CSMD1: variants seen among roughly 807,000 people sequenced by gnomAD.
CSMD1 encodes the protein CUB and Sushi multiple domains 1, also known as CUB and sushi domain-containing protein 1.
In CSMD1, 213 loss-of-function variants were observed where a neutral mutation model predicts 417.5. The ratio of observed to expected loss-of-function variants is 0.51; its 90% CI spans 0.46 to 0.57. CSMD1 has a LOEUF of 0.57. CSMD1 is among the 20% of genes least tolerant of loss of function. The pLI is 0.00. For missense variants in CSMD1, 6,923 were observed against 4,529.7 expected, an observed-to-expected ratio of 1.53 and a Z score of -15.17; for synonymous variants, 2,862 against 1,736.8, an observed-to-expected ratio of 1.65 and a Z score of -16.11.
chr8:4,340,274 C>G (rs962866363), intron 3 of CSMD1, among the ~76,000 whole-genome samples: 22 of 151,924 alleles, frequency 1.4e-4, no homozygotes, highest in Admixed American at 1.3e-4. Context: ...GTCCTTTTTC[C>G]TTGAGACTAG....
At chr8:4,134,950 A>G (rs546053337) in intron 3 of CSMD1, among the ~76,000 whole-genome samples, 1 of 152,156 alleles carries the variant, frequency 6.6e-6, no homozygotes, top group Admixed American at 6.5e-5. Context: ...CAACCAACAC[A>G]TCTGTTGTAT....
intron 2 of CSMD1, among the ~76,000 whole-genome samples, chr8:4,473,882 G>A (rs1381065881): frequency 2.6e-5 from 4 of 152,052 alleles, no homozygotes; most frequent in African/African-American, 4.8e-5. Flanking sequence ...TATGAGAGAG[G>A]TAGCTTTTCA....
At chr8:4,061,433 A>G (rs1038398903) in intron 3 of CSMD1, among the ~76,000 whole-genome samples, 2 of 152,242 alleles carry the variant, frequency 1.3e-5, no homozygotes, top group Non-Finnish European at 2.9e-5. Flanking sequence ...AACCTGTGAA[A>G]CTTTTATAGC....
intron 2 of CSMD1, among the ~76,000 whole-genome samples, chr8:4,605,699 T>C (rs961731257): frequency 6.6e-6 from 1 of 152,196 alleles, no homozygotes; most frequent in African/African-American, 2.4e-5. Flanking sequence ...CCTTGTAGAA[T>C]GCATAAAAAG....
At chr8:4,456,954 A>C (rs1434462541) in intron 2 of CSMD1, among the ~76,000 whole-genome samples, 1 of 149,262 alleles carries the variant, frequency 6.7e-6, no homozygotes, top group Non-Finnish European at 1.5e-5. Flanking sequence ...CCTCTGATTT[A>C]CAAGAGATTT....
At chr8:3,417,145 G>T (rs79006756) in intron 12 of CSMD1, among the ~76,000 whole-genome samples, 1 of 152,094 alleles carries the variant, frequency 6.6e-6, no homozygotes, top group Non-Finnish European at 1.5e-5. Flanking sequence ...AATATAGCAG[G>T]TTGCTGCAGT....
intron 18 of CSMD1, among the ~76,000 whole-genome samples, chr8:3,384,731 AT>A (rs1355320506): frequency 5.8e-5 from 7 of 119,888 alleles, no homozygotes; most frequent in African/African-American, 2.3e-4. Context: ...ATATTTATAT[AT>A]ATTATATAAA....
chr8:3,923,796 C>A (rs965551054), intron 5 of CSMD1, among the ~76,000 whole-genome samples: 1 of 152,166 alleles, frequency 6.6e-6, no homozygotes, highest in African/African-American at 2.4e-5. Flanking sequence ...CTCATAGTTA[C>A]CACTGTTCTA....
intron 3 of CSMD1, among the ~76,000 whole-genome samples, chr8:4,069,639 G>C (rs1799441605): frequency 6.6e-6 from 1 of 152,106 alleles, no homozygotes; most frequent in African/African-American, 2.4e-5. Context: ...TCAAGCCTCT[G>C]CAGCTTCCTG....
chr8:4,721,719 G>A (rs914960952), intron 1 of CSMD1, among the ~76,000 whole-genome samples: 3 of 152,064 alleles, frequency 2.0e-5, no homozygotes, highest in Non-Finnish European at 2.9e-5. Flanking sequence ...AAAACCAAAG[G>A]AAATGAAACC....
At position 3,276,358 on chromosome 8, in the gene CSMD1, C is replaced by T. The variant is rs1012809675; in HGVS notation, c.4153+7786G>A. On this transcript the variant is annotated intron_variant, in intron 26 of 69. Coordinates refer to ENST00000635120, the MANE Select transcript of CSMD1 (RefSeq NM_033225.6). ...TGGAAATGCAGAAATCACCCATCTT[C>T]TGTGTCGTTCACGCTGGGAGCTGTA... Among the ~76,000 whole-genome samples the T allele has an allele frequency of 4.9e-4, 74 of 152,190 alleles. 1 individual carries two copies. Among genetic ancestry groups the T allele is most frequent in the Non-Finnish European group, 1.6e-4 (11 of 68,034 alleles).
At chr8:4,034,146 T>G (rs1196161254) in intron 3 of CSMD1, among the ~76,000 whole-genome samples, 2 of 152,234 alleles carry the variant, frequency 1.3e-5, no homozygotes, top group Non-Finnish European at 2.9e-5. Context: ...GTTTTTAAAC[T>G]GAGTAACATA....
chr8:4,457,812 C>T (rs778395627), intron 2 of CSMD1, among the ~76,000 whole-genome samples: 3 of 152,122 alleles, frequency 2.0e-5, no homozygotes, highest in Non-Finnish European at 4.4e-5. Context: ...TTCTCACCAC[C>T]TCAGCACCCT....
intron 1 of CSMD1, among the ~76,000 whole-genome samples, chr8:4,728,231 C>T (rs1809600736): frequency 6.7e-6 from 1 of 148,390 alleles, no homozygotes; most frequent in African/African-American, 2.5e-5. Context: ...TAAGTGTGAT[C>T]CTACACCTAA....
chr8:4,600,958 T>A (rs531396895), intron 2 of CSMD1, among the ~76,000 whole-genome samples: 5 of 148,730 alleles, frequency 3.4e-5, no homozygotes, highest in Non-Finnish European at 7.4e-5. Flanking sequence ...TTAATTAGAT[T>A]TTTTTTTTTT....
At chr8:3,619,117 T>C (rs1414371740) in intron 7 of CSMD1, among the ~76,000 whole-genome samples, 1 of 152,102 alleles carries the variant, frequency 6.6e-6, no homozygotes, top group East Asian at 1.9e-4. Flanking sequence ...ATAGAACACA[T>C]ATCTAAGGTC....
intron 3 of CSMD1, among the ~76,000 whole-genome samples, chr8:4,062,691 G>T (rs1374803272): frequency 6.6e-6 from 1 of 151,306 alleles, no homozygotes; most frequent in Non-Finnish European, 1.5e-5. Context: ...ACCCATGATG[G>T]CAAAGCCACA....
chr8:3,972,863 G>A (rs574964596), intron 5 of CSMD1, among the ~76,000 whole-genome samples: 1 of 151,740 alleles, frequency 6.6e-6, no homozygotes, highest in Non-Finnish European at 1.5e-5. Context: ...TTATAAAAGA[G>A]CAAACGGAAA....
At chr8:3,218,439 T>C (rs1237478543) in intron 29 of CSMD1, among the ~76,000 whole-genome samples, 3 of 151,532 alleles carry the variant, frequency 2.0e-5, no homozygotes, top group Non-Finnish European at 4.4e-5. Flanking sequence ...CAGCTGCCTG[T>C]AGTCCCAGCT....
Sources: allele counts gnomAD v4.1 joint callset (sites outside exome capture counted in the v4.1 genomes callset), GRCh38; gene constraint gnomAD v4.1.1; transcripts MANE v1.5; gene names NCBI Gene and HGNC (gene_info 2026-07-23, HGNC 2026-07-21).